Variants in ARMH3 observed in about 807,000 individuals in gnomAD.
ARMH3 encodes armadillo like helical domain containing 3.
ARMH3 carries 60 observed loss-of-function variants against 99.1 expected under a neutral mutation model. The observed-to-expected ratio is 0.61, with a 90% CI of 0.49 to 0.75. ARMH3 has a LOEUF of 0.75. Among genes scored for constraint, ARMH3 ranks in the 30% least tolerant of loss-of-function variants. The pLI, the probability that ARMH3 is intolerant of heterozygous loss-of-function variation, is 0.00. For synonymous variants in ARMH3, 285 were observed against 292.8 expected, an observed-to-expected ratio of 0.97 and a Z score of 0.27; for missense variants, 679 against 843.1, an observed-to-expected ratio of 0.81 and a Z score of 2.41.
At position 101,904,118 on chromosome 10, in the gene ARMH3, C is replaced by T. The variant is rs74153087; in HGVS notation, c.1782-14628G>A. ...TCTGATCTCCACCAAACCACACTGA[C>T]GACACTAAATGGCTTGGCTTTGCAG... On this transcript the variant is annotated intron_variant, in intron 23 of 25. Transcript: ENST00000370033. Among the ~76,000 whole-genome samples the T allele has an allele frequency of 2.7e-3, 412 of 152,312 alleles. 2 individuals carry two copies. The highest frequency in any genetic ancestry group is 9.2e-3 in the African/African-American group (384 of 41,568).
In ARMH3 at chr10:102,013,999, A is replaced by G; in HGVS notation, c.695T>C (p.Leu232Pro). The G allele has an allele frequency of 1.2e-6, 2 of 1,611,978 alleles. No individual in the cohort carries two copies. The highest frequency in any genetic ancestry group is 1.7e-6 in the Non-Finnish European group (2 of 1,178,852). The change falls in exon 9 of 26, where the codon CTG becomes CCG. Residue 232 changes from leucine (L) to proline (P), a missense_variant. Leu to Pro is a moderately conservative substitution (Grantham distance 98, BLOSUM62 -3). Transcript: ENST00000370033. ...TGTGGCCTCATCATCCACGATAGAC[A>G]GCTTCACAATATAAGGATTCACAGA... is the stretch of plus-strand genomic sequence containing the variant. ...YESVNPYIVK[L>P]SIVDDEATLN...
intron 9 of ARMH3, 85 bp downstream of exon 9, chr10:102,013,883 C>T (rs1479859381): frequency 3.5e-6 from 4 of 1,148,598 alleles, no homozygotes; most frequent in African/African-American, 1.6e-5. Flanking sequence ...TAGCTCTCTG[C>T]TCTCTGTTCT....
chr10:101,917,449 T>C (rs1843132759), intron 23 of ARMH3, among the ~76,000 whole-genome samples: 1 of 152,248 alleles, frequency 6.6e-6, no homozygotes, highest in Non-Finnish European at 1.5e-5. Flanking sequence ...CTTTTTACTG[T>C]AGAATAGTAT....
intron 20 of ARMH3, among the ~76,000 whole-genome samples, chr10:101,973,772 C>T (rs939352556): frequency 9.2e-5 from 14 of 152,102 alleles, no homozygotes; most frequent in Non-Finnish European, 1.6e-4. Flanking sequence ...AAGATGCAGG[C>T]GGAAACAACT....
At chr10:102,046,761 T>C (rs2067563675) in intron 1 of ARMH3, among the ~76,000 whole-genome samples, 1 of 152,230 alleles carries the variant, frequency 6.6e-6, no homozygotes, top group Non-Finnish European at 1.5e-5. Flanking sequence ...TATGCTATAC[T>C]GTATCTCAAA....
At chr10:101,943,974 G>C (rs561360165) in intron 22 of ARMH3, among the ~76,000 whole-genome samples, 14 of 150,600 alleles carry the variant, frequency 9.3e-5, no homozygotes, top group Admixed American at 7.3e-4. Flanking sequence ...TGAGGCAGGA[G>C]AATGGCGTGA....
chr10:102,043,012 C>T lies in ARMH3; in HGVS notation c.-11-2887G>A, dbSNP rs183596564. 7.1e-4 allele frequency among the ~76,000 whole-genome samples: 108 copies of T among 152,252 alleles called. No homozygotes were observed. The East Asian group carries it at 0.018, about 25-fold the overall frequency. On this transcript the variant is annotated intron_variant, in intron 1 of 25. Transcript: ENST00000370033. ...GCTTGAACCTGGGAGGTAGAGGTTG[C>T]GGTGAGACGAGATTGCGCCACTGCA...
rs540851485 is a variant in ARMH3, at chr10:101,991,993, G to A, written c.1321C>T (p.Arg441Cys). 30 of 1,614,068 alleles carry A rather than the reference G, an allele frequency of 1.9e-5. No individual in the cohort carries two copies. The South Asian group carries it at 2.4e-4, about 13-fold the overall frequency. ...KKAADKNLPC[R>C]PLVCAVLDLM... ...CCCAGTACTGCACATACTAAAGGACGGCAGGGAAGATTCTTGTCTGCTGCC... is the reference window on the plus strand; with the variant it reads ...CCCAGTACTGCACATACTAAAGGACAGCAGGGAAGATTCTTGTCTGCTGCC... The change falls in exon 18 of 26, where the codon CGT (arginine) becomes TGT (cysteine). Residue 441 changes from arginine (R) to cysteine (C), a missense_variant. By Grantham distance (180) the Arg-to-Cys change is radical. This residue lies in a region of ARMH3 where 389 missense variants were observed against 456.5 expected (regional missense o/e 0.85). Transcript: ENST00000370033.
At chr10:101,997,815 G>A (rs1847130687) in intron 15 of ARMH3, among the ~76,000 whole-genome samples, 1 of 151,952 alleles carries the variant, frequency 6.6e-6, no homozygotes, top group African/African-American at 2.4e-5. Flanking sequence ...GGGTTTAAAG[G>A]ATAAATATAT....
At chr10:101,964,739 G>A (rs534824156) in intron 20 of ARMH3, among the ~76,000 whole-genome samples, 76 of 152,098 alleles carry the variant, frequency 5.0e-4, no homozygotes, top group African/African-American at 1.5e-3. Flanking sequence ...GGCCAGACAC[G>A]GTGGCTCACA....
At chr10:101,986,721 T>A (rs1436094231) in intron 19 of ARMH3, among the ~76,000 whole-genome samples, 1 of 152,190 alleles carries the variant, frequency 6.6e-6, no homozygotes, top group African/African-American at 2.4e-5. Flanking sequence ...GCTGCCCAGC[T>A]GGAAGCAGGA....
At chr10:101,978,793 T>C (rs1417355848) in intron 19 of ARMH3, among the ~76,000 whole-genome samples, 1 of 151,832 alleles carries the variant, frequency 6.6e-6, no homozygotes, top group Non-Finnish European at 1.5e-5. Flanking sequence ...TACAAAAAAT[T>C]AGCTGGGCGT....
intron 23 of ARMH3, among the ~76,000 whole-genome samples, chr10:101,926,451 T>C (rs1434410028): frequency 6.6e-6 from 1 of 152,144 alleles, no homozygotes; most frequent in African/African-American, 2.4e-5. Context: ...AACCACCACA[T>C]GCAGCCAAAC....
At chr10:101,853,911 G>A (rs542327001) in intron 24 of ARMH3, among the ~76,000 whole-genome samples, 1 of 152,268 alleles carries the variant, frequency 6.6e-6, no homozygotes, top group South Asian at 2.1e-4. Context: ...TTAAGAGTTC[G>A]AGACCAGCCT....
chr10:101,946,062 ACT>A (rs1457174430), intron 22 of ARMH3, among the ~76,000 whole-genome samples: 1 of 115,204 alleles, frequency 8.7e-6, no homozygotes, highest in African/African-American at 3.2e-5. Flanking sequence ...ACAGAGTAAG[ACT>A]CTGCCTCAAA....
chr10:101,881,449 A>G (rs1282240423), intron 24 of ARMH3, among the ~76,000 whole-genome samples: 1 of 152,202 alleles, frequency 6.6e-6, no homozygotes, highest in African/African-American at 2.4e-5. Flanking sequence ...ATTCTGCAAG[A>G]TGAAAAAGTT....
At chr10:101,930,394 T>C (rs922450018) in intron 23 of ARMH3, among the ~76,000 whole-genome samples, 6 of 151,984 alleles carry the variant, frequency 3.9e-5, no homozygotes, top group Admixed American at 3.3e-4. Context: ...GAAAACTTAT[T>C]AGGTTGGTGC....
chr10:101,957,932 T>C (rs373770074), intron 20 of ARMH3, among the ~76,000 whole-genome samples, 200 bp from the exon 21 acceptor site: 3 of 152,314 alleles, frequency 2.0e-5, no homozygotes, highest in East Asian at 3.9e-4. Flanking sequence ...GCTTATCTGT[T>C]CATGGAAGGT....
intron 1 of ARMH3, among the ~76,000 whole-genome samples, chr10:102,041,090 A>AAT (rs59124276): frequency 0.075 from 9,870 of 132,482 alleles, 455 homozygotes; most frequent in South Asian, 0.1. Context: ...ATATATATAT[A>AAT]ATATATATAT....
Sources: allele counts gnomAD v4.1 joint callset (sites outside exome capture counted in the v4.1 genomes callset), GRCh38; gene constraint gnomAD v4.1.1; regional missense constraint gnomAD v4.1.1; transcripts MANE v1.5; gene names NCBI Gene and HGNC (gene_info 2026-07-23, HGNC 2026-07-21).